CFAP57: variants seen among roughly 807,000 people sequenced by gnomAD.
The protein encoded by CFAP57 is cilia and flagella associated protein 57, also known as cilia- and flagella-associated protein 57.
Under a neutral mutation model 146.8 loss-of-function variants are expected in CFAP57, and 116 were observed. That is an observed-to-expected ratio of 0.79 (90% CI 0.68 to 0.92). The LOEUF (loss-of-function observed/expected upper bound fraction) is 0.92, where lower values mean the gene tolerates loss of function less well. Ranked by LOEUF, CFAP57 falls within the 40% of genes least tolerant of loss-of-function variation. CFAP57 has a pLI of 0.00. For synonymous variants in CFAP57, 518 were observed against 552.8 expected (o/e 0.94, Z 0.88); for missense variants, 1,377 against 1,527.2 (o/e 0.90, Z 1.64).
Position 43,181,610 on chromosome 1 carries a change from G to A in CFAP57, c.234G>A (p.Val78=), listed in dbSNP as rs771647753. The change falls in exon 3 of 23, where the codon GTG becomes GTA. Residue 78 remains valine (V), a synonymous_variant. Coordinates refer to ENST00000372492, the MANE Select transcript of CFAP57 (RefSeq NM_001378189.1). ...NRRYLAISET[V]QEKPAITIYE... is the part of the protein sequence containing the mutation. The stretch of plus-strand genomic sequence containing the variant: ...GGTACCTCGCTATCTCTGAGACTGT[G>A]CAAGAAAAACCTGCCATCACCATTT... 1.9e-6 allele frequency: 3 copies of A among 1,614,084 alleles called. No individual in the cohort carries two copies. Among genetic ancestry groups the A allele is most frequent in the East Asian group, 4.5e-5 (2 of 44,902 alleles).
intron 6 of CFAP57, among the ~76,000 whole-genome samples, chr1:43,190,354 T>G (rs1216674795): frequency 7.3e-6 from 1 of 136,748 alleles, no homozygotes; most frequent in Non-Finnish European, 1.5e-5. Flanking sequence ...CACTGCAAGC[T>G]CCACCTACCG....
At chr1:43,211,684 G>A (rs181852180) in intron 11 of CFAP57, 2 of 152,050 alleles carry the variant, frequency 1.3e-5, no homozygotes, top group East Asian at 3.9e-4. Context: ...ATACTGTGAG[G>A]CCAGTCTCGT....
Position 43,224,077 on chromosome 1 carries a change from G to A in CFAP57, c.2738G>A (p.Arg913Gln), listed in dbSNP as rs1216005678. Residue 913 changes from arginine (R) to glutamine (Q), a missense_variant, in exon 17 of 23, where the codon CGA (arginine) becomes CAA (glutamine). Physicochemically the swap from Arg to Gln is conservative, Grantham distance 43. Coordinates refer to ENST00000372492, the MANE Select transcript of CFAP57 (RefSeq NM_001378189.1). ...AGCCTACAGAAGGAGATTGAAGAAC[G>A]AACCAATGACATCGAGACCCTAAAA... is the stretch of plus-strand genomic sequence containing the variant. ...FSSLQKEIEE[R>Q]TNDIETLKGE... The A allele has an allele frequency of 1.9e-6, 3 of 1,550,512 alleles. No homozygotes were observed. The highest frequency in any genetic ancestry group is 1.2e-5 in the South Asian group (1 of 84,058).
intron 18 of CFAP57, among the ~76,000 whole-genome samples, chr1:43,229,217 G>A (rs766866214): frequency 6.7e-6 from 1 of 148,964 alleles, no homozygotes; most frequent in South Asian, 2.2e-4. Context: ...TTTCAGGTCG[G>A]GTCCGTTGTT....
chr1:43,227,141 G>C lies in CFAP57; in HGVS notation c.3009+15G>C. 1 of 1,520,386 alleles carries C rather than the reference G, an allele frequency of 6.6e-7. No individual in the cohort carries two copies. The highest frequency in any genetic ancestry group is 8.8e-7 in the Non-Finnish European group (1 of 1,134,202). The allele number at this position is 1,520,386 out of a possible 1,614,324, so 94.2% of individuals were successfully genotyped here. A position where few individuals can be genotyped will look rare whatever the true frequency, so the allele number is the denominator to read the frequency against. On this transcript the variant is annotated intron_variant, in intron 18 of 22. Transcript: ENST00000372492. Reference sequence around the variant, plus strand: ...AGATTCAGGAGGTAAGAAGCCATTTGCAACACTCTGGCCTCTCAGACCCTC... The same window carrying C: ...AGATTCAGGAGGTAAGAAGCCATTTCCAACACTCTGGCCTCTCAGACCCTC...
chr1:43,205,037 G>A (rs1025341070), intron 9 of CFAP57, among the ~76,000 whole-genome samples: 1 of 152,128 alleles, frequency 6.6e-6, no homozygotes, highest in Non-Finnish European at 1.5e-5. Context: ...TGTAGCTTAG[G>A]AGATGCTTTC....
chr1:43,233,867 G>A (rs1645575776), intron 19 of CFAP57, among the ~76,000 whole-genome samples: 2 of 152,198 alleles, frequency 1.3e-5, no homozygotes, highest in East Asian at 1.9e-4. Context: ...CACGGGGGAC[G>A]TGGAAGCCCT....
chr1:43,193,024 CTT>C (rs1189144835), intron 6 of CFAP57, among the ~76,000 whole-genome samples: 1 of 152,078 alleles, frequency 6.6e-6, no homozygotes, highest in African/African-American at 2.4e-5. Context: ...ACAATTTTTA[CTT>C]TATACATTTG....
chr1:43,225,652 A>G (rs1407593956), intron 17 of CFAP57, among the ~76,000 whole-genome samples: 2 of 152,158 alleles, frequency 1.3e-5, no homozygotes, highest in Non-Finnish European at 2.9e-5. Context: ...AGCACCCTCA[A>G]TATATACTTT....
intron 19 of CFAP57, among the ~76,000 whole-genome samples, chr1:43,233,533 A>G (rs1245019270): frequency 1.3e-5 from 2 of 152,190 alleles, no homozygotes; most frequent in Admixed American, 6.5e-5. Flanking sequence ...TGCAGTAAGC[A>G]TTAACTAACT....
intron 18 of CFAP57, among the ~76,000 whole-genome samples, chr1:43,230,674 C>G (rs1645431702): frequency 6.6e-6 from 1 of 152,194 alleles, no homozygotes. Flanking sequence ...ATTCTTTCCC[C>G]TTTTGTCCTC....
chr1:43,172,778 C>T lies in CFAP57; in HGVS notation c.25C>T (p.Leu9=). MSAVVAQT[L]HVFGLRSHVA... Reference sequence around the variant, plus strand: ...CATGTCAGCCGTGGTAGCTCAGACGCTGCATGTTTTTGGTCTTCGATCCCA... The same window carrying T: ...CATGTCAGCCGTGGTAGCTCAGACGTTGCATGTTTTTGGTCTTCGATCCCA... The change falls in exon 2 of 23, where the codon CTG becomes TTG. Residue 9 remains leucine, a synonymous_variant. Coordinates refer to ENST00000372492, the MANE Select transcript of CFAP57 (RefSeq NM_001378189.1). The T allele has an allele frequency of 1.9e-6, 3 of 1,614,114 alleles. No homozygotes were observed. The highest frequency in any genetic ancestry group is 2.5e-6 in the Non-Finnish European group (3 of 1,180,020).
chr1:43,220,585 A>G (rs1029001770), intron 13 of CFAP57, among the ~76,000 whole-genome samples: 5 of 152,168 alleles, frequency 3.3e-5, no homozygotes, highest in African/African-American at 9.7e-5. Flanking sequence ...TGAGTCTGCC[A>G]TGGTGGCATC....
At chr1:43,179,278 T>TATA (rs149860494) in intron 2 of CFAP57, among the ~76,000 whole-genome samples, 30 of 151,750 alleles carry the variant, frequency 2.0e-4, no homozygotes, top group Admixed American at 1.3e-4. Context: ...GAACTTAAAG[T>TATA]ATAATAATAA....
At chr1:43,190,332 G>A (rs566606929) in intron 6 of CFAP57, among the ~76,000 whole-genome samples, 5 of 140,426 alleles carry the variant, frequency 3.6e-5, no homozygotes, top group South Asian at 4.9e-4. Context: ...GGGCAGTGGC[G>A]CAATCTTGGC....
chr1:43,216,725 C>T (rs781358915), intron 12 of CFAP57, among the ~76,000 whole-genome samples: 3 of 152,166 alleles, frequency 2.0e-5, no homozygotes, highest in Admixed American at 6.5e-5. Flanking sequence ...GCTCTTCCTC[C>T]GCCTGTCCCT....
At chr1:43,183,559 AT>A in intron 3 of CFAP57, 31 bp from the exon 4 acceptor site, 1 of 1,602,088 alleles carries the variant, frequency 6.2e-7, no homozygotes, top group Non-Finnish European at 8.6e-7. Flanking sequence ...AGTTTCATAA[AT>A]TTTTTTCTTC....
chr1:43,217,439 A>T (rs1453166456), intron 12 of CFAP57, among the ~76,000 whole-genome samples: 1 of 152,092 alleles, frequency 6.6e-6, no homozygotes, highest in Non-Finnish European at 1.5e-5. Context: ...CCCTGGGATC[A>T]TTGATAAGTA....
intron 18 of CFAP57, among the ~76,000 whole-genome samples, chr1:43,228,393 G>C (rs1406493863): frequency 2.4e-5 from 3 of 127,610 alleles, no homozygotes; most frequent in South Asian, 5.4e-4. Context: ...GACAAAATAG[G>C]CTTCTGCTCC....
Sources: allele counts gnomAD v4.1 joint callset (sites outside exome capture counted in the v4.1 genomes callset), GRCh38; gene constraint gnomAD v4.1.1; transcripts MANE v1.5; gene names NCBI Gene and HGNC (gene_info 2026-07-23, HGNC 2026-07-21).